Variants in FOCAD observed in about 807,000 individuals in gnomAD.
FOCAD encodes the protein focadhesin, also known as KIAA1797.
In FOCAD, 198 loss-of-function variants were observed where a neutral mutation model predicts 225.6. That is an observed-to-expected ratio of 0.88 (90% CI 0.78 to 0.99). FOCAD has a LOEUF of 0.99. FOCAD is among the 50% of genes least tolerant of loss of function. The pLI, the probability that FOCAD is intolerant of heterozygous loss-of-function variation, is 0.00. For missense variants in FOCAD, 2,713 were observed against 2,123.6 expected (o/e 1.28, Z -5.46); for synonymous variants, 897 against 755.0 (o/e 1.19, Z -3.08).
At chr9:20,751,387 A>G (rs1332524202) in intron 5 of FOCAD, among the ~76,000 whole-genome samples, 1 of 99,920 alleles carries the variant, frequency 1.0e-5, no homozygotes. Flanking sequence ...TTCAATTCCC[A>G]CCTATGAGTG....
intron 6 of FOCAD, 137 bp downstream of exon 6, chr9:20,758,328 C>T (rs1587045331): frequency 6.6e-6 from 3 of 453,012 alleles, no homozygotes; most frequent in Non-Finnish European, 1.2e-5. Flanking sequence ...GAAGAACCAT[C>T]CTAGAGCAGG....
intron 24 of FOCAD, among the ~76,000 whole-genome samples, chr9:20,919,798 T>C (rs572056101): frequency 6.6e-6 from 1 of 152,216 alleles, no homozygotes; most frequent in South Asian, 2.1e-4. Flanking sequence ...TTACACCTTA[T>C]ACGAAAATTA....
intron 21 of FOCAD, among the ~76,000 whole-genome samples, 168 bp from the exon 22 acceptor site, chr9:20,906,982 C>T (rs891739298): frequency 1.2e-4 from 18 of 152,022 alleles, no homozygotes; most frequent in African/African-American, 4.1e-4. Context: ...AACTCTTCTC[C>T]TTAGGAATAT....
intron 9 of FOCAD, 43 bp from the exon 10 acceptor site, chr9:20,781,681 TGTG>T: frequency 6.4e-7 from 1 of 1,564,990 alleles, no homozygotes; most frequent in Non-Finnish European, 8.8e-7. Context: ...TTTGTTTGAC[TGTG>T]GTATTAATTT....
intron 2 of FOCAD, among the ~76,000 whole-genome samples, chr9:20,716,988 G>A (rs1825393527): frequency 6.6e-6 from 1 of 152,180 alleles, no homozygotes; most frequent in Non-Finnish European, 1.5e-5. Context: ...TCCATTCAAT[G>A]AAATATGGTA....
intron 22 of FOCAD, among the ~76,000 whole-genome samples, chr9:20,908,406 T>C (rs1414848316): frequency 6.6e-6 from 1 of 152,064 alleles, no homozygotes; most frequent in Non-Finnish European, 1.5e-5. Flanking sequence ...TTACAGATCT[T>C]AGAACTCGTA....
chr9:20,956,206 A>G (rs908120422), intron 35 of FOCAD, among the ~76,000 whole-genome samples: 2 of 152,342 alleles, frequency 1.3e-5, no homozygotes, highest in Non-Finnish European at 2.9e-5. Context: ...TAAGAAGGAA[A>G]TATGCCAAGG....
intron 15 of FOCAD, among the ~76,000 whole-genome samples, chr9:20,826,233 C>A (rs914289855): frequency 6.6e-6 from 1 of 152,026 alleles, no homozygotes; most frequent in African/African-American, 2.4e-5. Flanking sequence ...CACCCTCAAA[C>A]TGGGAGTGTA....
At chr9:20,766,862 A>C (rs950499350) in intron 7 of FOCAD, among the ~76,000 whole-genome samples, 15 of 151,944 alleles carry the variant, frequency 9.9e-5, no homozygotes, top group Non-Finnish European at 8.8e-5. Flanking sequence ...TTTAGGGTAC[A>C]TGTGCACATT....
At chr9:20,706,295 C>T (rs540980957) in intron 1 of FOCAD, among the ~76,000 whole-genome samples, 3 of 152,034 alleles carry the variant, frequency 2.0e-5, no homozygotes, top group Non-Finnish European at 4.4e-5. Context: ...TCAGTTCTGA[C>T]TTGGAATTTC....
rs1563979500 is a variant in FOCAD at position 20,778,551 on chromosome 9, C to G, written c.907-130C>G. ...TTCTTTCTTTAGTAGAGCACACTTG[C>G]TGTATAAATAAATTTGTGTAATAGG... is the stretch of plus-strand genomic sequence containing the variant. On this transcript the variant is annotated intron_variant, in intron 8 of 43. Coordinates refer to ENST00000338382, the MANE Select transcript of FOCAD (RefSeq NM_001375567.1). 3 of 568,312 alleles carry G rather than the reference C, an allele frequency of 5.3e-6. No homozygotes were observed. The East Asian group carries it at 8.5e-5, about 16-fold the overall frequency. 35.2% of individuals were successfully genotyped at this position (568,312 alleles called of 1,614,324 possible). A position where few individuals can be genotyped will look rare whatever the true frequency, so the allele number is the denominator to read the frequency against.
chr9:20,815,123 G>GTGGTTTTTTTTTTTTT (rs1564024181), intron 11 of FOCAD, among the ~76,000 whole-genome samples: 1 of 85,398 alleles, frequency 1.2e-5, no homozygotes, highest in Non-Finnish European at 2.2e-5. Context: ...ACTTCTCTTT[G>GTGGTTTTTTTTTTTTT]TTTTTTTTTT....
intron 21 of FOCAD, among the ~76,000 whole-genome samples, chr9:20,901,190 CAATGT>C (rs1265830399): frequency 8.4e-4 from 87 of 103,502 alleles, no homozygotes; most frequent in African/African-American, 3.4e-3. Context: ...AATGTGGAAA[CAATGT>C]GTGTGTGTGT....
intron 35 of FOCAD, among the ~76,000 whole-genome samples, chr9:20,956,742 ATGTT>A (rs1216184342): frequency 1.3e-5 from 2 of 152,102 alleles, no homozygotes; most frequent in Non-Finnish European, 2.9e-5. Flanking sequence ...CCTCATGAAA[ATGTT>A]TGGAAGGAAA....
chr9:20,892,553 GTAGAAT>G (rs1831706898), intron 21 of FOCAD, among the ~76,000 whole-genome samples: 1 of 152,090 alleles, frequency 6.6e-6, no homozygotes, highest in Non-Finnish European at 1.5e-5. Flanking sequence ...ACCAAGAGAA[GTAGAAT>G]TAGAAGTAGA....
Position 20,865,962 on chromosome 9 carries a change from C to T in FOCAD, c.2092C>T (p.His698Tyr). 6 of 1,608,352 alleles carry T rather than the reference C, an allele frequency of 3.7e-6. No individual in the cohort carries two copies. The highest frequency in any genetic ancestry group is 5.1e-6 in the Non-Finnish European group (6 of 1,177,436). The stretch of plus-strand genomic sequence containing the variant: ...TCAAGTCCTCAGCTTCCTCTGGACT[C>T]ATACTCAAAACAAGGTACTATCACA... ...KVQVLSFLWT[H>Y]TQNKDPIVAN... The change falls in exon 17 of 44, where the codon CAT (histidine) becomes TAT (tyrosine). Residue 698 changes from histidine to tyrosine, a missense_variant. By Grantham distance (83) the His-to-Tyr change is moderately conservative. Coordinates refer to ENST00000338382, the MANE Select transcript of FOCAD (RefSeq NM_001375567.1).
At chr9:20,971,393 G>T (rs557206623) in intron 35 of FOCAD, among the ~76,000 whole-genome samples, 2 of 151,938 alleles carry the variant, frequency 1.3e-5, no homozygotes, top group African/African-American at 4.8e-5. Context: ...AAACATTGTA[G>T]TGATAAGTAC....
chr9:20,832,033 A>G (rs1293065206), intron 15 of FOCAD, among the ~76,000 whole-genome samples: 1 of 151,994 alleles, frequency 6.6e-6, no homozygotes, highest in Non-Finnish European at 1.5e-5. Context: ...AATACTTTTT[A>G]TAGTGTCTTT....
At chr9:20,834,427 A>G (rs919744484) in intron 15 of FOCAD, among the ~76,000 whole-genome samples, 2 of 152,042 alleles carry the variant, frequency 1.3e-5, no homozygotes, top group Admixed American at 6.6e-5. Context: ...TGTACATCCT[A>G]CACATGTACC....
Sources: gnomAD v4.1 joint callset for allele counts (sites outside exome capture counted in the v4.1 genomes callset) on GRCh38, gnomAD v4.1.1 for gene constraint, MANE v1.5 for transcripts, NCBI Gene and HGNC (gene_info 2026-07-23, HGNC 2026-07-21) for gene names.